Variants in CAP2 observed in about 807,000 individuals in gnomAD.
CAP2 encodes cyclase associated actin cytoskeleton regulatory protein 2.
A neutral mutation model predicts 57.7 loss-of-function variants in CAP2; 24 were observed. The ratio of observed to expected loss-of-function variants is 0.42; its 90% CI spans 0.30 to 0.58. The LOEUF (loss-of-function observed/expected upper bound fraction) is 0.58. Among genes scored for constraint, CAP2 ranks in the 20% least tolerant of loss-of-function variants. The probability of loss-of-function intolerance (pLI) is 0.22; values close to 1 mark genes in which losing one functional copy is unlikely to be tolerated. For missense variants in CAP2, 501 were observed against 590.3 expected, an observed-to-expected ratio of 0.85 and a Z score of 1.57; for synonymous variants, 194 against 207.2, an observed-to-expected ratio of 0.94 and a Z score of 0.55.
intron 3 of CAP2, among the ~76,000 whole-genome samples, chr6:17,461,160 G>C (rs1033300503): frequency 7.0e-6 from 1 of 142,954 alleles, no homozygotes; most frequent in African/African-American, 2.6e-5. Flanking sequence ...AAAACAAACA[G>C]ACAAAAAAAG....
At chr6:17,442,536 A>G (rs544446419) in intron 3 of CAP2, among the ~76,000 whole-genome samples, 2 of 152,228 alleles carry the variant, frequency 1.3e-5, no homozygotes, top group African/African-American at 4.8e-5. Context: ...TCTCACATGC[A>G]TGATATTCCT....
chr6:17,507,347 TCA>T (rs775582915), intron 5 of CAP2, 35 bp downstream of exon 5: 13 of 1,609,268 alleles, frequency 8.1e-6, no homozygotes, highest in Non-Finnish European at 1.1e-5. Flanking sequence ...CTTCACCTCA[TCA>T]CACGTTTGGA....
At chr6:17,538,471 A>G (rs920730697) in intron 7 of CAP2, among the ~76,000 whole-genome samples, 7 of 151,958 alleles carry the variant, frequency 4.6e-5, no homozygotes, top group Non-Finnish European at 1.0e-4. Flanking sequence ...AAAAAGCAAA[A>G]CTGAACTAAA....
At position 17,492,781 on chromosome 6, in the gene CAP2, C is replaced by CT. The variant is rs542323963; in HGVS notation, c.301-14381dup. On this transcript the variant is annotated intron_variant, in intron 4 of 12. Transcript: ENST00000229922. ...CTGACCCCTTTGTACTGCTTCACTCCTTTTTTTCATAGTACGATATCCCTA... is the reference window on the plus strand; with the variant it reads ...CTGACCCCTTTGTACTGCTTCACTCCTTTTTTTTCATAGTACGATATCCCTA... 2.4e-4 allele frequency among the ~76,000 whole-genome samples: 37 copies of CT among 152,270 alleles called. No homozygotes were observed. The South Asian group carries it at 6.0e-3, about 25-fold the overall frequency.
intron 3 of CAP2, among the ~76,000 whole-genome samples, chr6:17,445,473 T>C (rs1361364510): frequency 6.6e-6 from 1 of 152,222 alleles, no homozygotes; most frequent in Non-Finnish European, 1.5e-5. Context: ...CCAGTTTGGA[T>C]TGGGTTGTGG....
intron 4 of CAP2, among the ~76,000 whole-genome samples, chr6:17,491,003 C>T (rs777368190): frequency 2.0e-5 from 3 of 152,174 alleles, no homozygotes; most frequent in African/African-American, 4.8e-5. Context: ...AACCACAGGA[C>T]GTGTGCTACT....
intron 7 of CAP2, among the ~76,000 whole-genome samples, chr6:17,534,563 G>A (rs1202826693): frequency 6.6e-6 from 1 of 152,270 alleles, no homozygotes; most frequent in African/African-American, 2.4e-5. Flanking sequence ...CGATCCTTTT[G>A]TATCTCTAGA....
intron 3 of CAP2, 43 bp downstream of exon 3, chr6:17,426,733 T>TA: frequency 2.3e-6 from 3 of 1,308,950 alleles, no homozygotes; most frequent in Non-Finnish European, 3.3e-6. Flanking sequence ...AGTTTAAACT[T>TA]ACCAGCCCAG....
rs547967489 is a variant in CAP2 at position 17,443,233 on chromosome 6, CAGAGGAGGCTCTGTCCTAAAAAA to C, written c.222+16547_222+16569del. ...CGGTATTGCACTCCAGCCTGGGTGA[CAGAGGAGGCTCTGTCCTAAAAAA>C]AGAAGAAAAAAATATGCTTTTAGAG... On this transcript the variant is annotated intron_variant, in intron 3 of 12. Transcript: ENST00000229922. Among the ~76,000 whole-genome samples, 3 of 152,170 alleles carry C rather than the reference CAGAGGAGGCTCTGTCCTAAAAAA, an allele frequency of 2.0e-5. No homozygotes were observed. In the South Asian group the frequency reaches 6.2e-4, roughly 32 times the overall value.
intron 6 of CAP2, among the ~76,000 whole-genome samples, chr6:17,509,541 G>A (rs138581485): frequency 6.6e-6 from 1 of 152,054 alleles, no homozygotes; most frequent in Non-Finnish European, 1.5e-5. Flanking sequence ...CGAGCGTGGT[G>A]GTGGGCACCT....
At chr6:17,552,914 A>G (rs1763204452) in intron 12 of CAP2, among the ~76,000 whole-genome samples, 1 of 152,068 alleles carries the variant, frequency 6.6e-6, no homozygotes, top group Non-Finnish European at 1.5e-5. Context: ...TACAGGCCAG[A>G]ATTCATCATT....
chr6:17,409,977 C>G (rs1759095923), intron 1 of CAP2, among the ~76,000 whole-genome samples: 1 of 152,222 alleles, frequency 6.6e-6, no homozygotes. Flanking sequence ...GTTTCTCATG[C>G]TCTGTTAGAT....
chr6:17,543,987 G>A (rs1762975560), intron 11 of CAP2, among the ~76,000 whole-genome samples: 1 of 151,824 alleles, frequency 6.6e-6, no homozygotes, highest in Admixed American at 6.6e-5. Context: ...TAGCCGGGTG[G>A]GGTGGTGGGT....
At position 17,551,612 on chromosome 6, in the gene CAP2, C is replaced by A; in HGVS notation, c.1350+8C>A. 6.4e-7 allele frequency: 1 copy of A among 1,570,628 alleles called. No individual in the cohort carries two copies. The highest frequency in any genetic ancestry group is 1.4e-5 in the African/African-American group (1 of 73,462). ...CCTCAGGATGGTGATTATGTAAGTACCTTTCAAAAGGCTGTCAAGAATTTT... is the reference window on the plus strand; with the variant it reads ...CCTCAGGATGGTGATTATGTAAGTAACTTTCAAAAGGCTGTCAAGAATTTT... On this transcript the variant is annotated splice_region_variant and intron_variant, in intron 12 of 12. Transcript: ENST00000229922.
At chr6:17,481,713 A>G (rs1029461605) in intron 4 of CAP2, among the ~76,000 whole-genome samples, 7 of 152,088 alleles carry the variant, frequency 4.6e-5, no homozygotes, top group East Asian at 3.9e-4. Flanking sequence ...TAATTGGTCA[A>G]TTTTTCTAAG....
intron 1 of CAP2, among the ~76,000 whole-genome samples, chr6:17,410,008 T>C (rs915718603): frequency 2.0e-5 from 3 of 152,318 alleles, no homozygotes; most frequent in Admixed American, 2.0e-4. Context: ...GCATAATGAA[T>C]GTTCCATCAA....
rs114503244 is a variant in CAP2, at chr6:17,537,791, C to T, written c.637-1478C>T. On this transcript the variant is annotated intron_variant, in intron 7 of 12. Coordinates refer to ENST00000229922, the MANE Select transcript of CAP2 (RefSeq NM_006366.3). ...GGTTCAAAAGTAAAACAGGGCCGGG[C>T]ACAGTGGCTTACACCTGTAATCCCA... Among the ~76,000 whole-genome samples, 895 of 152,188 alleles carry T rather than the reference C, an allele frequency of 5.9e-3. 6 individuals carry two copies. The highest frequency in any genetic ancestry group is 0.018 in the African/African-American group (768 of 41,526).
At chr6:17,441,042 A>ATTTTTT (rs1344094925) in intron 3 of CAP2, among the ~76,000 whole-genome samples, 5 of 151,668 alleles carry the variant, frequency 3.3e-5, no homozygotes, top group African/African-American at 9.8e-5. Flanking sequence ...GGTGTCTCCC[A>ATTTTTT]TTTTTAAGCA....
intron 4 of CAP2, among the ~76,000 whole-genome samples, chr6:17,488,915 C>A (rs1458759941): frequency 6.6e-6 from 1 of 152,088 alleles, no homozygotes; most frequent in Non-Finnish European, 1.5e-5. Context: ...TAATAAGGGG[C>A]AGAGTCAAGA....
Sources: gnomAD v4.1 joint callset for allele counts (sites outside exome capture counted in the v4.1 genomes callset) on GRCh38, gnomAD v4.1.1 for gene constraint, MANE v1.5 for transcripts, NCBI Gene and HGNC (gene_info 2026-07-23, HGNC 2026-07-21) for gene names.